RBMS1: variants seen among roughly 807,000 people sequenced by gnomAD.
RBMS1 encodes the protein RNA-binding motif, single-stranded-interacting protein 1.
Under a neutral mutation model 62.3 loss-of-function variants are expected in RBMS1, and 17 were observed. The observed-to-expected ratio is 0.27, with a 90% CI of 0.19 to 0.41. The LOEUF (loss-of-function observed/expected upper bound fraction) is 0.41. RBMS1 is among the 10% of genes least tolerant of loss of function. The probability of loss-of-function intolerance (pLI) is 1.00; values close to 1 mark genes in which losing one functional copy is unlikely to be tolerated. For missense variants in RBMS1, 334 were observed against 504.5 expected, an observed-to-expected ratio of 0.66 and a Z score of 3.24; for synonymous variants, 172 against 170.0, an observed-to-expected ratio of 1.01 and a Z score of -0.09.
intron 4 of RBMS1, among the ~76,000 whole-genome samples, chr2:160,307,345 T>C (rs956462174): frequency 7.5e-6 from 1 of 133,380 alleles, no homozygotes; most frequent in Non-Finnish European, 1.5e-5. Flanking sequence ...CCTGCTCGTG[T>C]GACTGCCTAT....
At chr2:160,275,498 T>C in intron 13 of RBMS1, 132 bp downstream of exon 13, 2 of 1,404,354 alleles carry the variant, frequency 1.4e-6, no homozygotes, top group South Asian at 3.6e-5. Context: ...TCAACAAGAC[T>C]AGATGCCTTG....
intron 1 of RBMS1, among the ~76,000 whole-genome samples, chr2:160,394,837 T>A (rs913233500): frequency 6.6e-6 from 1 of 152,224 alleles, no homozygotes; most frequent in South Asian, 2.1e-4. Context: ...GATTTTAAGG[T>A]AGGATGGTGA....
At chr2:160,438,999 G>A (rs1356830143) in intron 1 of RBMS1, among the ~76,000 whole-genome samples, 3 of 149,320 alleles carry the variant, frequency 2.0e-5, no homozygotes, top group Non-Finnish European at 4.5e-5. Flanking sequence ...CGGACGGGGC[G>A]GCTGGCCAGG....
At chr2:160,426,252 A>AGAAAGAAG (rs1284108462) in intron 1 of RBMS1, among the ~76,000 whole-genome samples, 1 of 123,544 alleles carries the variant, frequency 8.1e-6, no homozygotes. Flanking sequence ...AAAGAAAGAA[A>AGAAAGAAG]GAAAGAAAGA....
At chr2:160,320,964 TA>T (rs1157273327) in intron 2 of RBMS1, among the ~76,000 whole-genome samples, 3 of 151,896 alleles carry the variant, frequency 2.0e-5, no homozygotes, top group Non-Finnish European at 2.9e-5. Flanking sequence ...CAATTTGGGG[TA>T]AGGAGATTGA....
chr2:160,288,054 A>AG (rs908097247), intron 6 of RBMS1, among the ~76,000 whole-genome samples: 17 of 151,586 alleles, frequency 1.1e-4, no homozygotes, highest in Non-Finnish European at 2.1e-4. Flanking sequence ...TAAAAAAAAA[A>AG]AAAAGTCTAC....
chr2:160,422,313 C>T (rs1455495850), intron 1 of RBMS1, among the ~76,000 whole-genome samples: 3 of 152,134 alleles, frequency 2.0e-5, no homozygotes, highest in African/African-American at 4.8e-5. Context: ...CCTGACAGTT[C>T]CACTTCAAGA....
intron 1 of RBMS1, among the ~76,000 whole-genome samples, chr2:160,412,800 A>G (rs1411984505): frequency 2.6e-5 from 4 of 152,238 alleles, no homozygotes; most frequent in African/African-American, 9.6e-5. Context: ...GAAAAACAGA[A>G]CTACAGATAG....
intron 1 of RBMS1, among the ~76,000 whole-genome samples, chr2:160,434,696 T>C (rs1212122286): frequency 6.6e-6 from 1 of 152,230 alleles, no homozygotes; most frequent in African/African-American, 2.4e-5. Flanking sequence ...AGTTTGTGGC[T>C]ACCCTATTAG....
chr2:160,357,614 T>C (rs915348221), intron 2 of RBMS1, among the ~76,000 whole-genome samples: 2 of 152,170 alleles, frequency 1.3e-5, no homozygotes, highest in African/African-American at 4.8e-5. Flanking sequence ...TGCTTAATAC[T>C]GCAACAGCAC....
At chr2:160,449,248 T>G in intron 1 of RBMS1, among the ~76,000 whole-genome samples, 2 of 142,162 alleles carry the variant, frequency 1.4e-5, no homozygotes, top group African/African-American at 2.7e-5. Flanking sequence ...GGGAGGGAGG[T>G]GGGGGGCGCC....
At chr2:160,460,473 A>G (rs1684411124) in intron 1 of RBMS1, among the ~76,000 whole-genome samples, 1 of 152,238 alleles carries the variant, frequency 6.6e-6, no homozygotes, top group Non-Finnish European at 1.5e-5. Flanking sequence ...TAGCAGTCTC[A>G]CGTAAGGTCA....
chr2:160,470,797 G>A (rs945262142), intron 1 of RBMS1, among the ~76,000 whole-genome samples: 3 of 152,074 alleles, frequency 2.0e-5, no homozygotes, highest in African/African-American at 7.2e-5. Context: ...TCCCCCATAT[G>A]CCTAGTTAAG....
intron 1 of RBMS1, 36 bp downstream of exon 1, chr2:160,493,253 T>A: frequency 6.3e-7 from 1 of 1,596,876 alleles, no homozygotes; most frequent in Non-Finnish European, 8.6e-7. Flanking sequence ...CCGGGCCCCC[T>A]CCTCCGGCCG....
chr2:160,489,097 A>C (rs1685721013), intron 1 of RBMS1, among the ~76,000 whole-genome samples: 2 of 152,228 alleles, frequency 1.3e-5, no homozygotes, highest in Non-Finnish European at 2.9e-5. Context: ...AAGGAACTTA[A>C]GATTTGGCTC....
intron 2 of RBMS1, among the ~76,000 whole-genome samples, chr2:160,334,607 C>T (rs1334682544): frequency 6.6e-6 from 1 of 152,112 alleles, no homozygotes; most frequent in African/African-American, 2.4e-5. Context: ...TAGCCACTTC[C>T]AGTGACTATG....
chr2:160,465,888 A>ACACACACACACACACT (rs569580064), intron 1 of RBMS1, among the ~76,000 whole-genome samples: 21,722 of 144,844 alleles, frequency 0.15, 1,984 homozygotes, highest in Admixed American at 0.3. Context: ...ACACACACAC[A>ACACACACACACACACT]CTCTCACATT....
intron 2 of RBMS1, among the ~76,000 whole-genome samples, chr2:160,361,904 G>A (rs1435583709): frequency 2.0e-5 from 3 of 152,208 alleles, no homozygotes; most frequent in Non-Finnish European, 4.4e-5. Flanking sequence ...CTTTTCATTG[G>A]TTAAGGATTT....
chr2:160,356,959 T>C (rs1414037290), intron 2 of RBMS1, among the ~76,000 whole-genome samples: 1 of 152,108 alleles, frequency 6.6e-6, no homozygotes, highest in Admixed American at 6.6e-5. Context: ...TTCACATGCA[T>C]TTATTATGAA....
Sources: gnomAD v4.1 joint callset for allele counts (sites outside exome capture counted in the v4.1 genomes callset) on GRCh38, gnomAD v4.1.1 for gene constraint, MANE v1.5 for transcripts, NCBI Gene and HGNC (gene_info 2026-07-23, HGNC 2026-07-21) for gene names.